Variants in GALNTL6 observed in about 807,000 individuals in gnomAD.
GALNTL6 encodes polypeptide N-acetylgalactosaminyltransferase like 6.
In GALNTL6, 46 loss-of-function variants were observed where a neutral mutation model predicts 73.7. That is an observed-to-expected ratio of 0.62 (90% CI 0.49 to 0.80). The LOEUF (loss-of-function observed/expected upper bound fraction) is 0.80, where lower values mean the gene tolerates loss of function less well. Ranked by LOEUF, GALNTL6 falls within the 30% of genes least tolerant of loss-of-function variation. The pLI is 0.00. For missense variants in GALNTL6, 604 were observed against 755.0 expected (o/e 0.80, Z 2.34); for synonymous variants, 259 against 263.7 (o/e 0.98, Z 0.17).
chr4:172,366,573 C>T lies in GALNTL6; in HGVS notation c.553+17884C>T, dbSNP rs542859648. 2.0e-4 allele frequency among the ~76,000 whole-genome samples: 31 copies of T among 152,226 alleles called. No homozygotes were observed. The South Asian group carries it at 6.4e-3, about 32-fold the overall frequency. The stretch of plus-strand genomic sequence containing the variant: ...CAAATACATACTCAGTACATGAACG[C>T]TGACATCCTTGTAGTAAGATCAACG... On this transcript the variant is annotated intron_variant, in intron 5 of 12. Coordinates refer to ENST00000506823, the MANE Select transcript of GALNTL6 (RefSeq NM_001034845.3).
intron 2 of GALNTL6, among the ~76,000 whole-genome samples, chr4:171,825,550 G>A (rs1052479656): frequency 2.0e-5 from 3 of 151,740 alleles, no homozygotes; most frequent in Non-Finnish European, 2.9e-5. Context: ...ACATTTTTTT[G>A]GAAGATCTTT....
At chr4:172,523,216 G>C (rs1161083230) in intron 5 of GALNTL6, among the ~76,000 whole-genome samples, 1 of 152,250 alleles carries the variant, frequency 6.6e-6, no homozygotes, top group African/African-American at 2.4e-5. Flanking sequence ...ATGCATTTAT[G>C]CATTCTACTG....
rs1214874685 is a variant in GALNTL6 at position 172,206,775 on chromosome 4, G to GTTTTTTTTT, written c.139-22875_139-22874insTTTTTTTTT. Among the ~76,000 whole-genome samples the GTTTTTTTTT allele has an allele frequency of 1.6e-4, 13 of 79,782 alleles. 3 individuals carry two copies. Among genetic ancestry groups the GTTTTTTTTT allele is most frequent in the Middle Eastern group, 7.7e-3 (1 of 130 alleles). The allele number at this position is 79,782 out of a possible 152,430, so 52.3% of individuals were successfully genotyped here. On this transcript the variant is annotated intron_variant, in intron 2 of 12. Coordinates refer to ENST00000506823, the MANE Select transcript of GALNTL6 (RefSeq NM_001034845.3). ...ATGCATATCAGAGCAGATGAAACGT[G>GTTTTTTTTT]TTTTTTGTTTTGTTTTGTTTTGTTT...
intron 5 of GALNTL6, among the ~76,000 whole-genome samples, chr4:172,655,599 G>T (rs575896472): frequency 1.3e-5 from 2 of 152,150 alleles, no homozygotes; most frequent in African/African-American, 2.4e-5. Flanking sequence ...GGTGTCTTCC[G>T]CCCTGAAAGC....
intron 2 of GALNTL6, among the ~76,000 whole-genome samples, chr4:172,043,605 T>G (rs1264857360): frequency 2.0e-5 from 3 of 152,096 alleles, no homozygotes; most frequent in Non-Finnish European, 4.4e-5. Flanking sequence ...GAATACGGGT[T>G]ACAAATGTTA....
At chr4:172,214,428 A>G (rs1456039530) in intron 2 of GALNTL6, among the ~76,000 whole-genome samples, 1 of 152,046 alleles carries the variant, frequency 6.6e-6, no homozygotes, top group Non-Finnish European at 1.5e-5. Flanking sequence ...ACGCTTTTTC[A>G]AAGAACTAGC....
intron 2 of GALNTL6, among the ~76,000 whole-genome samples, chr4:171,941,879 T>C (rs1236512152): frequency 1.3e-5 from 2 of 152,178 alleles, no homozygotes; most frequent in Non-Finnish European, 2.9e-5. Context: ...ACATAAACAG[T>C]ATTCAGCAAA....
intron 5 of GALNTL6, among the ~76,000 whole-genome samples, chr4:172,591,858 G>C (rs1314136765): frequency 6.6e-6 from 1 of 152,132 alleles, no homozygotes; most frequent in Non-Finnish European, 1.5e-5. Flanking sequence ...TGTAGGTATT[G>C]GTGCAAAATG....
At chr4:172,880,737 C>T (rs543239062) in intron 7 of GALNTL6, among the ~76,000 whole-genome samples, 7 of 152,156 alleles carry the variant, frequency 4.6e-5, no homozygotes, top group Admixed American at 2.0e-4. Context: ...TATTTCTTAA[C>T]GGTCATTCAC....
chr4:172,475,352 A>T (rs1050969458), intron 5 of GALNTL6, among the ~76,000 whole-genome samples: 3 of 152,128 alleles, frequency 2.0e-5, no homozygotes, highest in Admixed American at 6.5e-5. Flanking sequence ...GGTAATTGGA[A>T]GTATCTCATG....
chr4:172,091,540 G>C (rs1732202538), intron 2 of GALNTL6, among the ~76,000 whole-genome samples: 1 of 152,060 alleles, frequency 6.6e-6, no homozygotes, highest in Non-Finnish European at 1.5e-5. Context: ...ATTTTTAATG[G>C]CTCCATAAAT....
intron 5 of GALNTL6, among the ~76,000 whole-genome samples, chr4:172,497,842 A>G (rs908729456): frequency 3.3e-5 from 5 of 152,202 alleles, no homozygotes; most frequent in African/African-American, 1.2e-4. Context: ...AGACAAACTC[A>G]TAAGAAGACA....
At chr4:172,733,016 T>C (rs917553802) in intron 5 of GALNTL6, among the ~76,000 whole-genome samples, 2 of 152,234 alleles carry the variant, frequency 1.3e-5, no homozygotes, top group East Asian at 1.9e-4. Context: ...TACTCTGAGT[T>C]TGAATACTCT....
chr4:171,891,264 C>A (rs971425295), intron 2 of GALNTL6, among the ~76,000 whole-genome samples: 4 of 152,028 alleles, frequency 2.6e-5, no homozygotes, highest in African/African-American at 9.7e-5. Context: ...TCTTTCAGAC[C>A]ACTGGAGGCA....
rs772360501 is a variant in GALNTL6, at chr4:173,009,218, A to C, written c.1412A>C (p.His471Pro). Reference sequence around the variant, plus strand: ...GCAAATCTCTGTGTGGACAGCAAGCATGGAGCCACCGGAACAGAGCTGAGG... The same window carrying C: ...GCAAATCTCTGTGTGGACAGCAAGCCTGGAGCCACCGGAACAGAGCTGAGG... ...VAANLCVDSK[H>P]GATGTELRLD... is the part of the protein sequence containing the mutation. Residue 471 changes from histidine (H) to proline (P), a missense_variant, in exon 11 of 13, where the codon CAT (histidine) becomes CCT (proline). His to Pro is a moderately conservative substitution (Grantham distance 77). Around this residue, in one of 5 missense-constraint regions of GALNTL6, gnomAD observed 261 missense variants for 296.5 expected, o/e 0.88. Coordinates refer to ENST00000506823, the MANE Select transcript of GALNTL6 (RefSeq NM_001034845.3). 3.1e-6 allele frequency: 5 copies of C among 1,614,042 alleles called. No homozygotes were observed. Among genetic ancestry groups the C allele is most frequent in the Non-Finnish European group, 4.2e-6 (5 of 1,179,964 alleles).
At chr4:171,961,163 C>A (rs561011012) in intron 2 of GALNTL6, among the ~76,000 whole-genome samples, 2 of 152,246 alleles carry the variant, frequency 1.3e-5, no homozygotes, top group South Asian at 4.1e-4. Context: ...GTCCCAAAGT[C>A]TGTTTATTTT....
At chr4:172,475,444 A>T (rs1326057149) in intron 5 of GALNTL6, among the ~76,000 whole-genome samples, 4 of 152,170 alleles carry the variant, frequency 2.6e-5, no homozygotes, top group Non-Finnish European at 2.9e-5. Context: ...CAGAAAAAAA[A>T]AAAAGCATTC....
intron 4 of GALNTL6, among the ~76,000 whole-genome samples, chr4:172,342,162 A>G (rs1052904501): frequency 1.4e-4 from 21 of 152,224 alleles, no homozygotes; most frequent in African/African-American, 4.6e-4. Context: ...TTTATCTACA[A>G]AAATATTTAT....
At chr4:171,926,607 C>A (rs1737991707) in intron 2 of GALNTL6, among the ~76,000 whole-genome samples, 1 of 152,098 alleles carries the variant, frequency 6.6e-6, no homozygotes, top group Admixed American at 6.5e-5. Context: ...TGTCTCTTCA[C>A]TAGCATTTGT....
Sources: allele counts gnomAD v4.1 joint callset (sites outside exome capture counted in the v4.1 genomes callset), GRCh38; gene constraint gnomAD v4.1.1; regional missense constraint gnomAD v4.1.1; transcripts MANE v1.5; gene names NCBI Gene and HGNC (gene_info 2026-07-23, HGNC 2026-07-21).